MBD5: variants seen among roughly 807,000 people sequenced by gnomAD.
MBD5 encodes the protein methyl-CpG binding domain protein 5.
Under a neutral mutation model 117.3 loss-of-function variants are expected in MBD5, and 13 were observed. That is an observed-to-expected ratio of 0.11 (90% CI 0.07 to 0.18). MBD5 has a LOEUF of 0.18. Among genes scored for constraint, MBD5 ranks in the 10% least tolerant of loss-of-function variants. MBD5 has a pLI of 1.00. For missense variants in MBD5, 1,879 were observed against 2,093.8 expected (o/e 0.90, Z 2.00); for synonymous variants, 727 against 766.4 (o/e 0.95, Z 0.85).
intron 1 of MBD5, among the ~76,000 whole-genome samples, chr2:148,060,197 T>TATTTGGGA (rs1183371871): frequency 8.9e-6 from 1 of 111,878 alleles, no homozygotes; most frequent in Admixed American, 1.1e-4. Context: ...TAGTCCCAGA[T>TATTTGGGA]ATTTGGGAGG....
At chr2:148,414,391 C>CA (rs1168457378) in intron 4 of MBD5, among the ~76,000 whole-genome samples, 2 of 152,126 alleles carry the variant, frequency 1.3e-5, no homozygotes. Context: ...AATGTGCAGT[C>CA]AGTTTTAGAG....
chr2:148,145,921 G>A (rs188204468), intron 1 of MBD5, among the ~76,000 whole-genome samples: 1 of 152,230 alleles, frequency 6.6e-6, no homozygotes, highest in Non-Finnish European at 1.5e-5. Flanking sequence ...TTTTTTGGCT[G>A]TGTCTCTGCC....
chr2:148,383,133 C>CA (rs1287510373), intron 4 of MBD5, among the ~76,000 whole-genome samples: 1 of 151,984 alleles, frequency 6.6e-6, no homozygotes, highest in East Asian at 1.9e-4. Context: ...AATAGAGACA[C>CA]AAAAAACCCT....
At chr2:148,464,739 G>A (rs889335075) in intron 7 of MBD5, among the ~76,000 whole-genome samples, 6 of 149,550 alleles carry the variant, frequency 4.0e-5, no homozygotes, top group Non-Finnish European at 8.9e-5. Context: ...TGGGAGGATC[G>A]CTTGAGGCTA....
rs11902007 is a variant in MBD5, at chr2:148,348,753, T to C, written c.-557+6417T>C. On this transcript the variant is annotated intron_variant, in intron 4 of 13. Transcript: ENST00000642680. ...GAGAAATATCCACATGGCTCTGTTGTGGGTTTTTTGTTCTTGCATTCGAAC... is the reference window on the plus strand; with the variant it reads ...GAGAAATATCCACATGGCTCTGTTGCGGGTTTTTTGTTCTTGCATTCGAAC... 6.2e-3 allele frequency among the ~76,000 whole-genome samples: 939 copies of C among 152,078 alleles called. 16 individuals are homozygous for C. The highest frequency in any genetic ancestry group is 0.021 in the African/African-American group (891 of 41,526).
chr2:148,028,480 G>C (rs1163214709), intron 1 of MBD5: 1 of 152,006 alleles, frequency 6.6e-6, no homozygotes, highest in Non-Finnish European at 1.5e-5. Flanking sequence ...ATTATACTTA[G>C]GGTTATCCTT....
At chr2:148,106,074 A>G (rs1172971486) in intron 1 of MBD5, among the ~76,000 whole-genome samples, 1 of 150,512 alleles carries the variant, frequency 6.6e-6, no homozygotes, top group Admixed American at 6.7e-5. Context: ...CATATGTTTC[A>G]TTTTGGAAAC....
Position 148,483,195 on chromosome 2 carries a change from C to T in MBD5, c.2604C>T (p.Gly868=), listed in dbSNP as rs762047043. 1.1e-5 allele frequency: 18 copies of T among 1,613,584 alleles called. No individual in the cohort carries two copies. The highest frequency in any genetic ancestry group is 1.2e-5 in the Non-Finnish European group (14 of 1,179,970). Residue 868 remains glycine (G), a synonymous_variant, in exon 9 of 14, where the codon GGC becomes GGT. Coordinates refer to ENST00000642680, the MANE Select transcript of MBD5 (RefSeq NM_001378120.1). ...AGACAACATCTGTTCTTCAAGATGG[C>T]GTCATAGTCACCACTGCAGCTGGAA... ...ITKTTSVLQD[G]VIVTTAAGNP...
At chr2:148,244,544 G>A (rs1479129033) in intron 3 of MBD5, among the ~76,000 whole-genome samples, 1 of 152,050 alleles carries the variant, frequency 6.6e-6, no homozygotes, top group African/African-American at 2.4e-5. Flanking sequence ...CTTTGTACTT[G>A]ATCATTTTGT....
rs539952771 is a variant in MBD5, at chr2:148,295,464, A to G, written c.-679-46750A>G. Among the ~76,000 whole-genome samples, 7 of 152,160 alleles carry G rather than the reference A, an allele frequency of 4.6e-5. No homozygotes were observed. In the East Asian group the frequency reaches 1.2e-3, roughly 25 times the overall value. On this transcript the variant is annotated intron_variant, in intron 3 of 13. Coordinates refer to ENST00000642680, the MANE Select transcript of MBD5 (RefSeq NM_001378120.1). The stretch of plus-strand genomic sequence containing the variant: ...TATTAGTGGCTTTTGAGCTCCCTGC[A>G]TTTCTATTTCTTGAAAAATTGGTGT...
chr2:148,153,972 G>C (rs1285793417), intron 1 of MBD5, among the ~76,000 whole-genome samples: 5 of 124,860 alleles, frequency 4.0e-5, no homozygotes. Flanking sequence ...GCTTTGTTCC[G>C]TTGCTGGTGA....
Position 148,490,302 on chromosome 2 carries a change from G to C in MBD5, c.4670G>C (p.Ser1557Thr), listed in dbSNP as rs1278585545. ...GAGCAGTCTCCAAGTTCCTCAAATAGTTTGGAAAATTCTCTGGTCAAAGAC... is the reference window on the plus strand; with the variant it reads ...GAGCAGTCTCCAAGTTCCTCAAATACTTTGGAAAATTCTCTGGTCAAAGAC... ...LEEQSPSSSNSLENSLVKDYI... is the reference protein window; with the variant it reads ...LEEQSPSSSNTLENSLVKDYI... Residue 1557 changes from serine (S) to threonine (T), a missense_variant, in exon 11 of 14, where the codon AGT becomes ACT. Ser to Thr is a moderately conservative substitution (Grantham distance 58). This residue lies in a region of MBD5 where 1,666 missense variants were observed against 1,792.2 expected (regional missense o/e 0.93). Coordinates refer to ENST00000642680, the MANE Select transcript of MBD5 (RefSeq NM_001378120.1). The C allele has an allele frequency of 6.2e-7, 1 of 1,614,038 alleles. No homozygotes were observed. The highest frequency in any genetic ancestry group is 8.5e-7 in the Non-Finnish European group (1 of 1,180,032).
chr2:148,201,229 A>G (rs1404206930), intron 2 of MBD5, among the ~76,000 whole-genome samples: 1 of 152,114 alleles, frequency 6.6e-6, no homozygotes, highest in Non-Finnish European at 1.5e-5. Flanking sequence ...GTGCCAGTGA[A>G]TGCAGGGTCT....
chr2:148,231,267 G>T (rs903073982), intron 2 of MBD5, among the ~76,000 whole-genome samples: 3 of 152,112 alleles, frequency 2.0e-5, no homozygotes, highest in Non-Finnish European at 4.4e-5. Flanking sequence ...AAACAGGCCT[G>T]GTTAAAATGC....
At chr2:148,463,989 C>G in intron 7 of MBD5, 70 bp downstream of exon 7, 1 of 1,506,946 alleles carries the variant, frequency 6.6e-7, no homozygotes, top group Non-Finnish European at 9.1e-7. Flanking sequence ...AATCATTTTG[C>G]CTAGCATTTT....
intron 2 of MBD5, among the ~76,000 whole-genome samples, chr2:148,179,279 C>T (rs189776465): frequency 6.6e-6 from 1 of 150,480 alleles, no homozygotes; most frequent in African/African-American, 2.5e-5. Context: ...GGCGTGAACC[C>T]GGGAGGCGGA....
At chr2:148,473,424 A>G (rs1250606276) in intron 8 of MBD5, among the ~76,000 whole-genome samples, 1 of 152,118 alleles carries the variant, frequency 6.6e-6, no homozygotes, top group East Asian at 1.9e-4. Context: ...AAAAAAACCA[A>G]CAGGTAACAT....
At chr2:148,393,202 A>G (rs1028488006) in intron 4 of MBD5, 2 of 152,186 alleles carry the variant, frequency 1.3e-5, no homozygotes, top group Admixed American at 6.5e-5. Flanking sequence ...ACAAGAAATT[A>G]CCAGCATGTT....
At chr2:148,078,313 C>A (rs974105399) in intron 1 of MBD5, among the ~76,000 whole-genome samples, 11 of 152,070 alleles carry the variant, frequency 7.2e-5, no homozygotes, top group Non-Finnish European at 1.5e-5. Context: ...ACTCCAGTAA[C>A]TCTAACCAGA....
Sources: gnomAD v4.1 joint callset for allele counts (sites outside exome capture counted in the v4.1 genomes callset) on GRCh38, gnomAD v4.1.1 for gene constraint, gnomAD v4.1.1 regional missense constraint, MANE v1.5 for transcripts, NCBI Gene and HGNC (gene_info 2026-07-23, HGNC 2026-07-21) for gene names.